TIMP4: variants seen among roughly 807,000 people sequenced by gnomAD.
TIMP4 encodes the protein metalloproteinase inhibitor 4.
A neutral mutation model predicts 27.3 loss-of-function variants in TIMP4; 28 were observed. The ratio of observed to expected loss-of-function variants is 1.03; its 90% confidence interval spans 0.76 to 1.41. The LOEUF is 1.41. Among genes scored for constraint, TIMP4 ranks in the 40% most tolerant of loss-of-function variants. TIMP4 has a pLI of 0.00. For missense variants in TIMP4, 307 were observed against 285.5 expected (o/e 1.08, Z -0.54); for synonymous variants, 138 against 115.5 (o/e 1.20, Z -1.25).
chr3:12,158,749 C>T lies in TIMP4; in HGVS notation c.92G>A (p.Ser31Asn). The T allele has an allele frequency of 6.2e-7, 1 of 1,608,448 alleles. No homozygotes were observed. The highest frequency in any genetic ancestry group is 8.5e-7 in the Non-Finnish European group (1 of 1,179,536). ...CTGCTGAGGGTGCGCCGGGGCGCAGCTGCATGCCTCACCCAGCCCCGGGGG... is the reference window on the plus strand; with the variant it reads ...CTGCTGAGGGTGCGCCGGGGCGCAGTTGCATGCCTCACCCAGCCCCGGGGG... Reference protein sequence around the residue: ...LRPPGLGEACSCAPAHPQQHI... With the variant: ...LRPPGLGEACNCAPAHPQQHI... The change falls in exon 1 of 5, where the codon AGC becomes AAC. Residue 31 changes from serine to asparagine, a missense_variant. Coordinates refer to ENST00000287814, the MANE Select transcript of TIMP4 (RefSeq NM_003256.4).
chr3:12,157,356 G>C (rs1697488099), intron 2 of TIMP4, 29 bp downstream of exon 2: 1 of 1,603,698 alleles, frequency 6.2e-7, no homozygotes, highest in South Asian at 1.1e-5. Flanking sequence ...AGCCTTAGGG[G>C]CTACACATCC....
In TIMP4 at chr3:12,153,514, A is replaced by C. The variant is rs776937796; in HGVS notation, c.*1T>G. ...AGGGATGTGATGGTCACTGGTCCCT[A>C]CTAGGGCTGAACGATGTCAACAAAC... On this transcript the variant is annotated 3_prime_UTR_variant, in exon 5 of 5. Transcript: ENST00000287814. 2 of 1,612,974 alleles carry C rather than the reference A, an allele frequency of 1.2e-6. No individual in the cohort carries two copies. The highest frequency in any genetic ancestry group is 2.2e-5 in the East Asian group (1 of 44,892).
rs1437341333 is a variant in TIMP4 at position 12,158,638 on chromosome 3, G to C, written c.139+64C>G. On this transcript the variant is annotated intron_variant, in intron 1 of 4. Transcript: ENST00000287814. ...TTTTCCTCTGGACTCCTGGTGTACT[G>C]CTGGCCAGATACTAATCCCCCACAA... 3.1e-6 allele frequency: 5 copies of C among 1,595,498 alleles called. No individual in the cohort carries two copies. In the East Asian group the frequency reaches 9.0e-5, roughly 29 times the overall value.
rs751788736 is a variant in TIMP4 at position 12,158,800 on chromosome 3, A to G, written c.41T>C (p.Leu14Ser). Residue 14 changes from leucine (L) to serine (S), a missense_variant, in exon 1 of 5, where the codon TTG becomes TCG. Leu to Ser is a moderately radical substitution (Grantham distance 145, BLOSUM62 -2). Transcript: ENST00000287814. ...CCGCAGCAACGCCAGCAGCCGCAGC[A>G]ACAGCACCCAGCTTGGCGCGGGCCG... Reference protein sequence around the residue: ...SPRPAPSWVLLLRLLALLRPP... With the variant: ...SPRPAPSWVLSLRLLALLRPP... 4 of 1,602,438 alleles carry G rather than the reference A, an allele frequency of 2.5e-6. No individual in the cohort carries two copies. The Admixed American group carries it at 6.7e-5, about 27-fold the overall frequency.
Position 12,153,494 on chromosome 3 carries a change from T to C in TIMP4, c.*21A>G. Reference sequence around the variant, plus strand: ...TTGATCTTCAGGACTCTTGAAGGGATGTGATGGTCACTGGTCCCTACTAGG... The same window carrying C: ...TTGATCTTCAGGACTCTTGAAGGGACGTGATGGTCACTGGTCCCTACTAGG... On this transcript the variant is annotated 3_prime_UTR_variant, in exon 5 of 5. Transcript: ENST00000287814. 1 of 1,612,326 alleles carries C rather than the reference T, an allele frequency of 6.2e-7. No homozygotes were observed. The highest frequency in any genetic ancestry group is 8.5e-7 in the Non-Finnish European group (1 of 1,179,742).
In TIMP4 at chr3:12,154,367, T is replaced by A; in HGVS notation, c.437A>T (p.Glu146Val). Residue 146 changes from glutamate to valine, a missense_variant, in exon 4 of 5, where the codon GAA (glutamate) becomes GTA (valine). Transcript: ENST00000287814. ...CAGATGGTAGTGATGATTCAGACTTTCCCTCTGCACCAAGGACAGGTCCTC... is the reference window on the plus strand; with the variant it reads ...CAGATGGTAGTGATGATTCAGACTTACCCTCTGCACCAAGGACAGGTCCTC... The part of the protein sequence containing the change: ...PWEDLSLVQR[E>V]SLNHHYHLNC... 1 of 1,614,198 alleles carries A rather than the reference T, an allele frequency of 6.2e-7. No homozygotes were observed. The highest frequency in any genetic ancestry group is 8.5e-7 in the Non-Finnish European group (1 of 1,180,028).
chr3:12,154,548 A>C (rs917114254), intron 3 of TIMP4, 97 bp from the exon 4 acceptor site: 1 of 1,452,020 alleles, frequency 6.9e-7, no homozygotes, highest in Non-Finnish European at 9.4e-7. Flanking sequence ...CAGCCTCCCC[A>C]ATGACTTTGG....
At chr3:12,153,750 T>C (rs1370403206) in intron 4 of TIMP4, 38 bp from the exon 5 acceptor site, 11 of 1,606,676 alleles carry the variant, frequency 6.8e-6, no homozygotes, top group Non-Finnish European at 9.4e-6. Context: ...GTGAGTAGGG[T>C]GTCCTTCTTT....
chr3:12,153,123 T>C lies in TIMP4; in HGVS notation c.*392A>G, dbSNP rs560426325. ...TTTATGATGCTGTCAAACCACCTTC[T>C]GATACTGTACATCGCAAGGATATAC... On this transcript the variant is annotated 3_prime_UTR_variant, in exon 5 of 5. Transcript: ENST00000287814. The C allele has an allele frequency of 7.2e-6, 2 of 278,386 alleles. No homozygotes were observed. Among genetic ancestry groups the C allele is most frequent in the East Asian group, 7.4e-5 (1 of 13,442 alleles). 17.2% of individuals were successfully genotyped at this position (278,386 alleles called of 1,614,324 possible).
chr3:12,158,394 A>G (rs1198141060), intron 1 of TIMP4, among the ~76,000 whole-genome samples: 1 of 152,196 alleles, frequency 6.6e-6, no homozygotes, highest in Non-Finnish European at 1.5e-5. Flanking sequence ...CTAGTAGTTC[A>G]GAATAATCAT....
At chr3:12,156,697 T>C (rs1162186715) in intron 3 of TIMP4, 123 bp downstream of exon 3, 1 of 692,950 alleles carries the variant, frequency 1.4e-6, no homozygotes, top group Non-Finnish European at 2.5e-6. Flanking sequence ...AGCTCTGTTT[T>C]ATGCCCAAGA....
At chr3:12,157,806 A>G (rs1697502613) in intron 1 of TIMP4, among the ~76,000 whole-genome samples, 1 of 152,148 alleles carries the variant, frequency 6.6e-6, no homozygotes, top group Non-Finnish European at 1.5e-5. Context: ...TAGAGAAGGG[A>G]GGAGGAGCCC....
At chr3:12,155,381 G>T (rs575945890) in intron 3 of TIMP4, among the ~76,000 whole-genome samples, 1 of 152,322 alleles carries the variant, frequency 6.6e-6, no homozygotes, top group South Asian at 2.1e-4. Context: ...GGGCAAAGAA[G>T]GTGTCTCAGA....
intron 4 of TIMP4, 31 bp downstream of exon 4, chr3:12,154,296 C>A: frequency 1.2e-6 from 2 of 1,614,074 alleles, no homozygotes; most frequent in Non-Finnish European, 1.7e-6. Context: ...TCCCCCATCC[C>A]TAAAGACTTT....
At chr3:12,155,653 C>T (rs1022720610) in intron 3 of TIMP4, among the ~76,000 whole-genome samples, 1 of 152,204 alleles carries the variant, frequency 6.6e-6, no homozygotes, top group African/African-American at 2.4e-5. Context: ...GGAGCTTGTG[C>T]CTTCTCCTGT....
intron 1 of TIMP4, 165 bp downstream of exon 1, chr3:12,158,537 G>A (rs1697528777): frequency 1.0e-6 from 1 of 1,000,152 alleles, no homozygotes; most frequent in Non-Finnish European, 1.4e-6. Flanking sequence ...GGGCTTGCAA[G>A]GTTGCTATGG....
At chr3:12,154,561 G>A in intron 3 of TIMP4, 110 bp from the exon 4 acceptor site, 1 of 1,241,734 alleles carries the variant, frequency 8.1e-7, no homozygotes, top group Non-Finnish European at 1.1e-6. Context: ...GACTTTGGTG[G>A]CAGTGGTGGC....
intron 1 of TIMP4, 78 bp downstream of exon 1, chr3:12,158,624 A>T: frequency 6.4e-7 from 1 of 1,565,704 alleles, no homozygotes; most frequent in Non-Finnish European, 8.7e-7. Context: ...TTTCCTCTGG[A>T]CTCCTGGTGT....
At chr3:12,154,539 A>C in intron 3 of TIMP4, 88 bp from the exon 4 acceptor site, 1 of 1,500,414 alleles carries the variant, frequency 6.7e-7, no homozygotes, top group African/African-American at 1.4e-5. Flanking sequence ...CCAGAATTGC[A>C]GCCTCCCCAA....
Sources: allele counts gnomAD v4.1 joint callset (sites outside exome capture counted in the v4.1 genomes callset), GRCh38; gene constraint gnomAD v4.1.1; transcripts MANE v1.5; gene names NCBI Gene and HGNC (gene_info 2026-07-23, HGNC 2026-07-21).